The following MYO9A variants were observed in gnomAD, a reference collection of about 807,000 sequenced individuals.
MYO9A encodes the protein unconventional myosin-IXa.
MYO9A carries 103 observed loss-of-function variants against 293.3 expected under a neutral mutation model. The observed-to-expected ratio is 0.35, with a 90% CI of 0.30 to 0.41. MYO9A has a LOEUF of 0.41. Among genes scored for constraint, MYO9A ranks in the 10% least tolerant of loss-of-function variants. The pLI is 1.00. For synonymous variants in MYO9A, 1,001 were observed against 1,035.7 expected (o/e 0.97, Z 0.64); for missense variants, 2,685 against 3,033.0 (o/e 0.89, Z 2.69).
chr15:71,887,125 G>A (rs2057044388), intron 27 of MYO9A, among the ~76,000 whole-genome samples: 1 of 152,040 alleles, frequency 6.6e-6, no homozygotes, highest in Non-Finnish European at 1.5e-5. Flanking sequence ...TTTCTAAAAT[G>A]CTTACCTCAG....
In MYO9A at chr15:71,826,605, A is replaced by G; in HGVS notation, c.7622T>C (p.Phe2541Ser). The G allele has an allele frequency of 6.3e-7, 1 of 1,598,004 alleles. No individual in the cohort carries two copies. Among genetic ancestry groups the G allele is most frequent in the African/African-American group, 1.4e-5 (1 of 73,730 alleles). The part of the protein sequence containing the change: ...DCTSNQQLAL[F>S]GNNEFMV ...TCAGACCATAAATTCATTATTTCCA[A>G]AGAGTGCTAGCTGTTGGTTGGAGGT... The change falls in exon 42 of 42, where the codon TTT becomes TCT. Residue 2541 changes from phenylalanine to serine, a missense_variant. Physicochemically the swap from Phe to Ser is radical, Grantham distance 155. Coordinates refer to ENST00000356056, the MANE Select transcript of MYO9A (RefSeq NM_006901.4).
intron 18 of MYO9A, among the ~76,000 whole-genome samples, chr15:71,927,765 A>T (rs1027981836): frequency 6.6e-6 from 1 of 151,558 alleles, no homozygotes; most frequent in African/African-American, 2.4e-5. Context: ...CTTATATTTA[A>T]GTCTTTAACC....
At chr15:71,833,656 C>A (rs1489527276) in intron 39 of MYO9A, among the ~76,000 whole-genome samples, 1 of 151,986 alleles carries the variant, frequency 6.6e-6, no homozygotes, top group East Asian at 1.9e-4. Context: ...CACAGCAAGA[C>A]AACAAAATTC....
At chr15:72,022,562 T>C (rs956986067) in intron 4 of MYO9A, among the ~76,000 whole-genome samples, 18 of 152,086 alleles carry the variant, frequency 1.2e-4, no homozygotes, top group Admixed American at 1.1e-3. Context: ...TTGTTTCGTT[T>C]TTGTTTTGAG....
chr15:71,937,778 G>A (rs894364135), intron 16 of MYO9A, among the ~76,000 whole-genome samples: 1 of 152,062 alleles, frequency 6.6e-6, no homozygotes, highest in South Asian at 2.1e-4. Context: ...GTGAAATGAG[G>A]CATATTGCGG....
chr15:71,852,974 A>G (rs1416497652), intron 35 of MYO9A, among the ~76,000 whole-genome samples: 1 of 152,138 alleles, frequency 6.6e-6, no homozygotes, highest in Non-Finnish European at 1.5e-5. Context: ...GCACACGCCT[A>G]TAATCCCAGC....
At chr15:72,001,139 A>C (rs2076852631) in intron 8 of MYO9A, among the ~76,000 whole-genome samples, 1 of 152,188 alleles carries the variant, frequency 6.6e-6, no homozygotes. Flanking sequence ...AGACCTTAGA[A>C]TTTTGTCATG....
chr15:72,117,074 G>C (rs1325247882), intron 1 of MYO9A: 1 of 152,292 alleles, frequency 6.6e-6, no homozygotes, highest in African/African-American at 2.4e-5. Flanking sequence ...TTTGCTTGAG[G>C]AGAGGTCTGT....
intron 27 of MYO9A, among the ~76,000 whole-genome samples, chr15:71,884,661 C>T (rs2056968458): frequency 6.6e-6 from 1 of 152,092 alleles, no homozygotes; most frequent in African/African-American, 2.4e-5. Context: ...CTTGCGATAA[C>T]AATGGCATGT....
chr15:71,840,807 T>A (rs2055128363), intron 39 of MYO9A, among the ~76,000 whole-genome samples: 1 of 152,064 alleles, frequency 6.6e-6, no homozygotes, highest in South Asian at 2.1e-4. Context: ...TTTTTTTGTA[T>A]TTTTTAGTAG....
At chr15:72,047,698 A>G (rs1192744056) in intron 1 of MYO9A, among the ~76,000 whole-genome samples, 1 of 146,634 alleles carries the variant, frequency 6.8e-6, no homozygotes, top group Non-Finnish European at 1.5e-5. Flanking sequence ...TATTTACCTT[A>G]TTTATTTCAT....
At chr15:71,919,965 A>C (rs750767164) in intron 18 of MYO9A, among the ~76,000 whole-genome samples, 65 of 152,232 alleles carry the variant, frequency 4.3e-4, no homozygotes, top group Non-Finnish European at 7.8e-4. Context: ...AAATGTTCAG[A>C]GTCATTACTA....
At chr15:72,045,663 C>T in intron 2 of MYO9A, 61 bp downstream of exon 2, 3 of 1,487,488 alleles carry the variant, frequency 2.0e-6, no homozygotes, top group Non-Finnish European at 2.7e-6. Context: ...ATGGTACACC[C>T]CCCCACCTCA....
intron 8 of MYO9A, among the ~76,000 whole-genome samples, chr15:72,000,216 T>C (rs2076824567): frequency 6.6e-6 from 1 of 152,174 alleles, no homozygotes; most frequent in Admixed American, 6.5e-5. Context: ...TAGAATAGTA[T>C]AAAAAACATT....
intron 24 of MYO9A, among the ~76,000 whole-genome samples, chr15:71,899,470 A>C (rs2057421242): frequency 6.6e-6 from 1 of 152,216 alleles, no homozygotes; most frequent in African/African-American, 2.4e-5. Flanking sequence ...ATGATCACAG[A>C]CCATGTAGAT....
Position 71,934,786 on chromosome 15 carries a change from C to CTTTTTTTTTTTTTTTT in MYO9A, c.2522+539_2522+554dup, listed in dbSNP as rs1167613386. Among the ~76,000 whole-genome samples the CTTTTTTTTTTTTTTTT allele has an allele frequency of 3.2e-5, 2 of 61,788 alleles. 1 individual carries two copies. Among genetic ancestry groups the CTTTTTTTTTTTTTTTT allele is most frequent in the Non-Finnish European group, 5.6e-5 (2 of 35,620 alleles). 40.5% of individuals were successfully genotyped at this position (61,788 alleles called of 152,430 possible). On this transcript the variant is annotated intron_variant, in intron 17 of 41. Coordinates refer to ENST00000356056, the MANE Select transcript of MYO9A (RefSeq NM_006901.4). The stretch of plus-strand genomic sequence containing the variant: ...TGGCTAATTTTTTTTCTTTTCTTTT[C>CTTTTTTTTTTTTTTTT]TTTTTTTTTTTTTTTTTTTTTTTTT...
Position 71,850,183 on chromosome 15 carries a change from A to C in MYO9A, c.6582-16T>G. 1 of 1,613,610 alleles carries C rather than the reference A, an allele frequency of 6.2e-7. No individual in the cohort carries two copies. Among genetic ancestry groups the C allele is most frequent in the Non-Finnish European group, 8.5e-7 (1 of 1,179,556 alleles). The stretch of plus-strand genomic sequence containing the variant: ...CAGAGCAATCCTAAGAATTAAAACA[A>C]AACAAAAAACAAATGAGTAAGGGAT... On this transcript the variant is annotated splice_polypyrimidine_tract_variant and intron_variant, in intron 37 of 41. Transcript: ENST00000356056.
chr15:71,982,950 A>C (rs1236975928), intron 11 of MYO9A, among the ~76,000 whole-genome samples: 1 of 152,156 alleles, frequency 6.6e-6, no homozygotes, highest in Non-Finnish European at 1.5e-5. Context: ...ATATGATATT[A>C]ATATAGCTAC....
At chr15:72,000,796 C>A (rs1295692579) in intron 8 of MYO9A, among the ~76,000 whole-genome samples, 2 of 152,108 alleles carry the variant, frequency 1.3e-5, no homozygotes, top group African/African-American at 4.8e-5. Flanking sequence ...CACACCATGT[C>A]GATAATTTAA....
Sources: gnomAD v4.1 joint callset for allele counts (sites outside exome capture counted in the v4.1 genomes callset) on GRCh38, gnomAD v4.1.1 for gene constraint, MANE v1.5 for transcripts, NCBI Gene and HGNC (gene_info 2026-07-23, HGNC 2026-07-21) for gene names.